EPHA6: variants seen among roughly 807,000 people sequenced by gnomAD.
EPHA6 encodes the protein EPH receptor A6.
EPHA6 carries 50 observed loss-of-function variants against 112.0 expected under a neutral mutation model. That is an observed-to-expected ratio of 0.45 (90% CI 0.36 to 0.56). The LOEUF is 0.56. EPHA6 is among the 20% of genes least tolerant of loss of function. The pLI, the probability that EPHA6 is intolerant of heterozygous loss-of-function variation, is 0.00. For missense variants in EPHA6, 1,280 were observed against 1,417.4 expected (o/e 0.90, Z 1.56); for synonymous variants, 529 against 490.7 (o/e 1.08, Z -1.03).
chr3:97,317,466 G>A (rs1312541792), intron 5 of EPHA6, among the ~76,000 whole-genome samples: 1 of 151,936 alleles, frequency 6.6e-6, no homozygotes, highest in Non-Finnish European at 1.5e-5. Flanking sequence ...TATCATGGTA[G>A]TCATGATAAT....
At chr3:96,997,822 C>T (rs879308856) in intron 3 of EPHA6, among the ~76,000 whole-genome samples, 1 of 151,986 alleles carries the variant, frequency 6.6e-6, no homozygotes, top group Non-Finnish European at 1.5e-5. Context: ...TGAGCACACA[C>T]TTTTGGAAAA....
At chr3:97,132,037 A>G (rs1307364061) in intron 3 of EPHA6, among the ~76,000 whole-genome samples, 1 of 152,106 alleles carries the variant, frequency 6.6e-6, no homozygotes, top group Non-Finnish European at 1.5e-5. Context: ...GAATGATGTA[A>G]TATTACCCAT....
Position 97,475,457 on chromosome 3 carries a change from G to T in EPHA6, c.2000G>T (p.Gly667Val), listed in dbSNP as rs200509174. 245 of 1,602,218 alleles carry T rather than the reference G, an allele frequency of 1.5e-4. No individual in the cohort carries two copies. The highest frequency in any genetic ancestry group is 2.0e-4 in the Non-Finnish European group (238 of 1,171,186). The change falls in exon 8 of 18, where the codon GGG becomes GTG. Residue 667 changes from glycine to valine, a missense_variant. Gly to Val is a moderately radical substitution (Grantham distance 109). Coordinates refer to ENST00000389672, the MANE Select transcript of EPHA6 (RefSeq NM_001080448.3). ...VILTLFFLIT[G>V]RCQWYIKAKM... ...CTCACTTTATTCTTCTTGATCACTG[G>T]GAGGTAACTGAAACATACCATACTA...
rs1272673977 is a variant in EPHA6, at chr3:97,405,294, T to C, written c.1731+20T>C. On this transcript the variant is annotated intron_variant, in intron 6 of 17. Transcript: ENST00000389672. ...GAGAAAGTAGGTCTTATTTGGAGCT[T>C]CCTATAAAACTACATATATATGCAT... is the stretch of plus-strand genomic sequence containing the variant. 6.2e-7 allele frequency: 1 copy of C among 1,603,814 alleles called. No individual in the cohort carries two copies. The highest frequency in any genetic ancestry group is 8.5e-7 in the Non-Finnish European group (1 of 1,173,110).
At position 96,956,534 on chromosome 3, in the gene EPHA6, C is replaced by T. The variant is rs975696974; in HGVS notation, c.451-30796C>T. 3.3e-5 allele frequency among the ~76,000 whole-genome samples: 5 copies of T among 152,172 alleles called. No homozygotes were observed. The East Asian group carries it at 5.8e-4, about 18-fold the overall frequency. On this transcript the variant is annotated intron_variant, in intron 2 of 17. Transcript: ENST00000389672. ...AGGTTATGACTTTGGAATAAAAAGACGATATGTGAAGTGAACAGCATGCTA... is the reference window on the plus strand; with the variant it reads ...AGGTTATGACTTTGGAATAAAAAGATGATATGTGAAGTGAACAGCATGCTA...
intron 3 of EPHA6, among the ~76,000 whole-genome samples, chr3:97,009,814 C>T (rs916521455): frequency 2.0e-5 from 3 of 152,170 alleles, no homozygotes; most frequent in Non-Finnish European, 2.9e-5. Context: ...GCTCACTCAC[C>T]ACCTCACTTG....
chr3:96,980,863 G>C lies in EPHA6; in HGVS notation c.451-6467G>C, dbSNP rs142063442. Among the ~76,000 whole-genome samples the C allele has an allele frequency of 5.1e-3, 777 of 152,224 alleles. 7 individuals carry two copies. The highest frequency in any genetic ancestry group is 0.017 in the African/African-American group (704 of 41,524). On this transcript the variant is annotated intron_variant, in intron 2 of 17. Transcript: ENST00000389672. ...TTGGCTCTGTGTTTTTCTGTTATTG[G>C]TGTATAAGAATGCTTGTGATTTTTG...
At chr3:97,391,592 A>G (rs1185190815) in intron 5 of EPHA6, among the ~76,000 whole-genome samples, 2 of 151,950 alleles carry the variant, frequency 1.3e-5, no homozygotes, top group East Asian at 1.9e-4. Flanking sequence ...GTGCGGTACA[A>G]TATATTTGTG....
chr3:97,382,982 C>T (rs2085841210), intron 5 of EPHA6, among the ~76,000 whole-genome samples: 1 of 151,978 alleles, frequency 6.6e-6, no homozygotes, highest in Admixed American at 6.6e-5. Context: ...ATTTATTCAA[C>T]CATACCCTTT....
At chr3:97,016,756 A>G (rs2044279901) in intron 3 of EPHA6, among the ~76,000 whole-genome samples, 1 of 152,132 alleles carries the variant, frequency 6.6e-6, no homozygotes, top group African/African-American at 2.4e-5. Context: ...GGCTCTATAC[A>G]CTTGTCTCTT....
At chr3:97,623,746 T>C (rs1234144287) in intron 13 of EPHA6, among the ~76,000 whole-genome samples, 2 of 151,658 alleles carry the variant, frequency 1.3e-5, no homozygotes, top group Non-Finnish European at 3.0e-5. Context: ...CTTAATACTA[T>C]CACATTAAGT....
intron 14 of EPHA6, among the ~76,000 whole-genome samples, chr3:97,698,759 C>T (rs2033195509): frequency 6.6e-6 from 1 of 152,202 alleles, no homozygotes; most frequent in South Asian, 2.1e-4. Flanking sequence ...TTCTGACCTT[C>T]ATTTTCCTTG....
chr3:97,072,960 C>A (rs984663810), intron 3 of EPHA6, among the ~76,000 whole-genome samples: 3 of 152,152 alleles, frequency 2.0e-5, no homozygotes, highest in African/African-American at 7.2e-5. Context: ...TTGCTCACAG[C>A]ATGTGGGTTT....
intron 3 of EPHA6, among the ~76,000 whole-genome samples, chr3:97,100,433 A>G (rs2047370697): frequency 6.6e-6 from 1 of 151,800 alleles, no homozygotes; most frequent in South Asian, 2.1e-4. Flanking sequence ...GTGCAACCAT[A>G]ATTTGGGACC....
At chr3:97,271,640 G>A (rs926498946) in intron 5 of EPHA6, among the ~76,000 whole-genome samples, 1 of 152,212 alleles carries the variant, frequency 6.6e-6, no homozygotes. Context: ...TTACAGGCAT[G>A]AGCCACCGCA....
At chr3:96,831,201 T>C (rs2034053773) in intron 1 of EPHA6, among the ~76,000 whole-genome samples, 2 of 152,134 alleles carry the variant, frequency 1.3e-5, no homozygotes, top group South Asian at 4.1e-4. Context: ...CCATTTACTA[T>C]GTGATTTTGC....
At chr3:97,050,489 G>A (rs989174697) in intron 3 of EPHA6, among the ~76,000 whole-genome samples, 6 of 152,114 alleles carry the variant, frequency 3.9e-5, no homozygotes, top group African/African-American at 7.2e-5. Context: ...TAAAATTTCA[G>A]TTGTTTTTCA....
rs1560108500 is a variant in EPHA6 at position 97,534,453 on chromosome 3, C to T, written c.2386+1910C>T. 3.1e-5 allele frequency among the ~76,000 whole-genome samples: 4 copies of T among 130,584 alleles called. 1 individual carries two copies. Among genetic ancestry groups the T allele is most frequent in the Admixed American group, 2.4e-4 (3 of 12,598 alleles). 85.7% of individuals were successfully genotyped at this position (130,584 alleles called of 152,430 possible). On this transcript the variant is annotated intron_variant, in intron 11 of 17. Transcript: ENST00000389672. ...GAAGTCTGTCTCACTTTAAAACCCACCCCCCCCTTTTTTTTTTTTTGCTTT... is the reference window on the plus strand; with the variant it reads ...GAAGTCTGTCTCACTTTAAAACCCATCCCCCCCTTTTTTTTTTTTTGCTTT...
At chr3:96,882,246 C>G (rs1273742282) in intron 2 of EPHA6, among the ~76,000 whole-genome samples, 1 of 152,196 alleles carries the variant, frequency 6.6e-6, no homozygotes, top group African/African-American at 2.4e-5. Flanking sequence ...CAGAGGTTCT[C>G]CATGAGAGCC....
Sources: gnomAD v4.1 joint callset for allele counts (sites outside exome capture counted in the v4.1 genomes callset) on GRCh38, gnomAD v4.1.1 for gene constraint, MANE v1.5 for transcripts, NCBI Gene and HGNC (gene_info 2026-07-23, HGNC 2026-07-21) for gene names.